The following PXDN variants were observed in gnomAD, a reference collection of about 807,000 sequenced individuals.
PXDN encodes the protein peroxidasin homolog.
PXDN carries 77 observed loss-of-function variants against 140.3 expected under a neutral mutation model. The ratio of observed to expected loss-of-function variants is 0.55; its 90% CI spans 0.46 to 0.66. The LOEUF (loss-of-function observed/expected upper bound fraction) is 0.66. PXDN is among the 30% of genes least tolerant of loss of function. The pLI, the probability that PXDN is intolerant of heterozygous loss-of-function variation, is 0.00. For synonymous variants in PXDN, 911 were observed against 857.4 expected (o/e 1.06, Z -1.09); for missense variants, 1,838 against 2,039.5 (o/e 0.90, Z 1.90).
chr2:1,680,104 ATGT>A lies in PXDN; in HGVS notation c.730+86_730+88del, dbSNP rs144168800. 13,187 of 1,401,518 alleles carry A rather than the reference ATGT, an allele frequency of 9.4e-3. 539 individuals carry two copies. The East Asian group carries it at 0.14, about 14-fold the overall frequency. 86.8% of individuals were successfully genotyped at this position (1,401,518 alleles called of 1,614,324 possible). A position where few individuals can be genotyped will look rare whatever the true frequency, so the allele number is the denominator to read the frequency against. On this transcript the variant is annotated intron_variant, in intron 7 of 22. Transcript: ENST00000252804. ...GTAAATGTGTGTGTGTGGTGTGTGG[ATGT>A]TGTGTGTGTAGATGGTGTGTGTGTG...
intron 7 of PXDN, among the ~76,000 whole-genome samples, chr2:1,678,640 C>T (rs561194523): frequency 2.0e-5 from 3 of 152,330 alleles, no homozygotes; most frequent in African/African-American, 4.8e-5. Context: ...GACAGGGCCT[C>T]GGCTGATTCA....
rs937165221 is a variant in PXDN, at chr2:1,709,199, A to C, written c.201-16065T>G. Among the ~76,000 whole-genome samples, 7 of 152,308 alleles carry C rather than the reference A, an allele frequency of 4.6e-5. No individual in the cohort carries two copies. The East Asian group carries it at 1.4e-3, about 29-fold the overall frequency. The stretch of plus-strand genomic sequence containing the variant: ...CTGCAGTTCATGGGCAATGCTGACC[A>C]CAGGTGCGGGGACCACGAGCACTGC... On this transcript the variant is annotated intron_variant, in intron 1 of 22. Coordinates refer to ENST00000252804, the MANE Select transcript of PXDN (RefSeq NM_012293.3).
chr2:1,650,331 T>A (rs2125412862), intron 16 of PXDN, among the ~76,000 whole-genome samples: 1 of 152,176 alleles, frequency 6.6e-6, no homozygotes, highest in South Asian at 2.1e-4. Context: ...GTGGAGGTCA[T>A]CCACACGCCC....
At position 1,639,562 on chromosome 2, in the gene PXDN, GCTGGT is replaced by G; in HGVS notation, c.3953-145_3953-141del. ...CACATTTCAGTGAGGCAACCTGGCA[GCTGGT>G]CTGCGGCTCTTACCCTCTCCTGGTC... On this transcript the variant is annotated intron_variant, in intron 19 of 22. Transcript: ENST00000252804. This position sits in a 1 kb window ranked among gnomAD's most constrained non-coding sequence, Gnocchi z 5.0. 7.9e-7 allele frequency: 1 copy of G among 1,272,062 alleles called. No homozygotes were observed. The allele number at this position is 1,272,062 out of a possible 1,614,324, so 78.8% of individuals were successfully genotyped here.
intron 4 of PXDN, among the ~76,000 whole-genome samples, chr2:1,686,754 T>C (rs1684067706): frequency 6.6e-6 from 1 of 152,174 alleles, no homozygotes; most frequent in Non-Finnish European, 1.5e-5. Flanking sequence ...CCGTGGGTCC[T>C]CAGGATGCAC....
Position 1,663,663 on chromosome 2 carries a change from C to T in PXDN, c.1509G>A (p.Gln503=). 1.9e-6 allele frequency: 3 copies of T among 1,614,044 alleles called. No individual in the cohort carries two copies. The highest frequency in any genetic ancestry group is 2.5e-6 in the Non-Finnish European group (3 of 1,179,910). The change falls in exon 12 of 23, where the codon CAG becomes CAA. Residue 503 remains glutamine, a synonymous_variant. Transcript: ENST00000252804. ...TCTGGGAGCCGATGATGTTGACAGC[C>T]TGGCATTCGTACTGGCCCTGGTCGT... ...ALHDQGQYEC[Q]AVNIIGSQKV...
chr2:1,639,767 T>C lies in PXDN; in HGVS notation c.3953-345A>G, dbSNP rs1356370001. On this transcript the variant is annotated intron_variant, in intron 19 of 22. Coordinates refer to ENST00000252804, the MANE Select transcript of PXDN (RefSeq NM_012293.3). The surrounding 1 kb of genome is among the most constrained non-coding windows in gnomAD (Gnocchi z 5.0). ...AGGCACTCTGCCTCGGAGATCAGAG[T>C]CTGCTGTTTCTGGGGGTCCCTCCCC... Among the ~76,000 whole-genome samples, 1 of 152,034 alleles carries C rather than the reference T, an allele frequency of 6.6e-6. No individual in the cohort carries two copies. The highest frequency in any genetic ancestry group is 1.5e-5 in the Non-Finnish European group (1 of 67,992).
rs755249368 is a variant in PXDN at position 1,677,001 on chromosome 2, G to A, written c.774C>T (p.Thr258=). Residue 258 remains threonine, a synonymous_variant, in exon 8 of 23, where the codon ACC becomes ACT. Transcript: ENST00000252804. ...ITSEPQDADV[T]SGNTVYFTCR... ...AGGTGAAGTACACGGTGTTCCCCGA[G>A]GTCACATCTGCGTCCTGGGGCTCGG... 5 of 1,612,502 alleles carry A rather than the reference G, an allele frequency of 3.1e-6. No individual in the cohort carries two copies. The highest frequency in any genetic ancestry group is 4.2e-6 in the Non-Finnish European group (5 of 1,179,348).
chr2:1,731,417 G>A (rs890944222), intron 1 of PXDN, among the ~76,000 whole-genome samples: 1 of 152,170 alleles, frequency 6.6e-6, no homozygotes, highest in Non-Finnish European at 1.5e-5. Context: ...TGCGCTGGGA[G>A]CAGAAACAGC....
intron 13 of PXDN, among the ~76,000 whole-genome samples, chr2:1,661,778 T>A (rs1460052587): frequency 1.3e-5 from 2 of 152,270 alleles, no homozygotes; most frequent in East Asian, 3.8e-4. Context: ...GCTTTTGTTA[T>A]TGAAAAGATC....
intron 4 of PXDN, among the ~76,000 whole-genome samples, chr2:1,684,873 C>A (rs1294011022): frequency 6.6e-6 from 1 of 152,182 alleles, no homozygotes; most frequent in African/African-American, 2.4e-5. Context: ...AAGTCAAACA[C>A]AAAGTCAGTC....
intron 1 of PXDN, among the ~76,000 whole-genome samples, chr2:1,742,615 G>C (rs1364994532): frequency 6.6e-6 from 1 of 152,212 alleles, no homozygotes; most frequent in Non-Finnish European, 1.5e-5. Context: ...GACCAGATGG[G>C]AAAAATCTTT....
Position 1,666,296 on chromosome 2 carries a change from T to C in PXDN, c.1209A>G (p.Val403=), listed in dbSNP as rs1683438777. 1 of 1,614,064 alleles carries C rather than the reference T, an allele frequency of 6.2e-7. No individual in the cohort carries two copies. Among genetic ancestry groups the C allele is most frequent in the Middle Eastern group, 1.6e-4 (1 of 6,062 alleles). The change falls in exon 10 of 23, where the codon GTA becomes GTG. Residue 403 remains valine (V), a synonymous_variant. Transcript: ENST00000252804. ...PSGGLYIQNV[V]QGDSGEYACS... is the part of the protein sequence containing the mutation. ...ACGCATACTCTCCGCTGTCCCCCTG[T>C]ACGACGTTCTGTATGTAAAGCCCGC...
At chr2:1,731,010 G>C (rs953491051) in intron 1 of PXDN, among the ~76,000 whole-genome samples, 2 of 152,142 alleles carry the variant, frequency 1.3e-5, no homozygotes, top group African/African-American at 4.8e-5. Flanking sequence ...TAGAAGCTGG[G>C]TTGGGAGGTG....
intron 17 of PXDN, among the ~76,000 whole-genome samples, chr2:1,645,173 A>G (rs1315956590): frequency 6.6e-6 from 1 of 152,196 alleles, no homozygotes; most frequent in East Asian, 1.9e-4. Context: ...TTTTAAAAGT[A>G]TATACATTTT....
chr2:1,648,893 C>G lies in PXDN; in HGVS notation c.2887G>C (p.Glu963Gln), dbSNP rs370877087. The change falls in exon 17 of 23, where the codon GAG (glutamate) becomes CAG (glutamine). Residue 963 changes from glutamate to glutamine, a missense_variant. Coordinates refer to ENST00000252804, the MANE Select transcript of PXDN (RefSeq NM_012293.3). The surrounding 1 kb of genome is among the most constrained non-coding windows in gnomAD (Gnocchi z 8.9). ...TGPPTECMRDENESPIPCFLA... is the reference protein window; with the variant it reads ...TGPPTECMRDQNESPIPCFLA... ...AAGCAGGGGATGGGGCTCTCGTTCTCGTCCCGCATGCACTCCGTGGGCGGC... is the reference window on the plus strand; with the variant it reads ...AAGCAGGGGATGGGGCTCTCGTTCTGGTCCCGCATGCACTCCGTGGGCGGC... 1 of 1,602,044 alleles carries G rather than the reference C, an allele frequency of 6.2e-7. No homozygotes were observed. The highest frequency in any genetic ancestry group is 8.5e-7 in the Non-Finnish European group (1 of 1,177,008).
intron 1 of PXDN, among the ~76,000 whole-genome samples, chr2:1,734,137 G>T (rs1685377949): frequency 6.6e-6 from 1 of 152,146 alleles, no homozygotes; most frequent in Non-Finnish European, 1.5e-5. Flanking sequence ...ATACCGCTCG[G>T]ATATTTCAGG....
At chr2:1,673,007 T>C (rs1683612519) in intron 9 of PXDN, among the ~76,000 whole-genome samples, 1 of 152,080 alleles carries the variant, frequency 6.6e-6, no homozygotes, top group Non-Finnish European at 1.5e-5. Flanking sequence ...CCATGGTGGG[T>C]ACACCCAATG....
chr2:1,683,813 T>C, intron 5 of PXDN, 86 bp from the exon 6 acceptor site: 1 of 1,081,842 alleles, frequency 9.2e-7, no homozygotes, highest in Non-Finnish European at 1.3e-6. Flanking sequence ...CAAATATATA[T>C]CAGCTTTAAA....
Sources: allele counts gnomAD v4.1 joint callset (sites outside exome capture counted in the v4.1 genomes callset), GRCh38; gene constraint gnomAD v4.1.1; non-coding constraint Gnocchi (gnomAD v3.1); transcripts MANE v1.5; gene names NCBI Gene and HGNC (gene_info 2026-07-23, HGNC 2026-07-21).